Variants in PALS1 observed in about 807,000 individuals in gnomAD.
The protein encoded by PALS1 is protein associated with LIN7 1, MAGUK p55 family member.
In PALS1, 31 loss-of-function variants were observed where a neutral mutation model predicts 78.9. The ratio of observed to expected loss-of-function variants is 0.39; its 90% CI spans 0.30 to 0.53. The LOEUF (loss-of-function observed/expected upper bound fraction) is 0.53, where lower values mean the gene tolerates loss of function less well. Ranked by LOEUF, PALS1 falls within the 20% of genes least tolerant of loss-of-function variation. The pLI is 0.67. For missense variants in PALS1, 704 were observed against 826.5 expected (o/e 0.85, Z 1.82); for synonymous variants, 276 against 270.9 (o/e 1.02, Z -0.18).
intron 2 of PALS1, among the ~76,000 whole-genome samples, chr14:67,273,571 C>T (rs548813194): frequency 3.3e-5 from 5 of 152,182 alleles, no homozygotes; most frequent in African/African-American, 1.2e-4. Context: ...TGAATAGTGC[C>T]GCAGTCAACA....
intron 3 of PALS1, 149 bp downstream of exon 3, chr14:67,279,686 G>A (rs965679938): frequency 2.3e-5 from 16 of 699,552 alleles, no homozygotes; most frequent in Admixed American, 7.2e-5. Context: ...TGGAAACGCC[G>A]TATAACTATT....
chr14:67,291,866 C>A (rs147177119), intron 3 of PALS1, among the ~76,000 whole-genome samples: 109 of 152,188 alleles, frequency 7.2e-4, no homozygotes, highest in African/African-American at 2.5e-3. Flanking sequence ...ATTAGTAAAG[C>A]CTCCCTAGAA....
chr14:67,303,551 C>T lies in PALS1; in HGVS notation c.993C>T (p.Val331=), dbSNP rs2084958826. The T allele has an allele frequency of 1.9e-6, 3 of 1,613,748 alleles. No homozygotes were observed. Among genetic ancestry groups the T allele is most frequent in the Non-Finnish European group, 2.5e-6 (3 of 1,179,750 alleles). Reference sequence around the variant, plus strand: ...ATATGCATGGTACTTTGACTTTTGTCCTGATTCCCAGTCAACAGATCAAGC... The same window carrying T: ...ATATGCATGGTACTTTGACTTTTGTTCTGATTCCCAGTCAACAGATCAAGC... ...LSDMHGTLTF[V]LIPSQQIKPP... Residue 331 remains valine, a synonymous_variant, in exon 8 of 15, where the codon GTC becomes GTT. Transcript: ENST00000261681.
intron 1 of PALS1, among the ~76,000 whole-genome samples, chr14:67,265,100 T>G (rs961608590): frequency 6.6e-6 from 1 of 152,266 alleles, no homozygotes; most frequent in South Asian, 2.1e-4. Flanking sequence ...TAGTATATTC[T>G]AAATACAGTT....
intron 1 of PALS1, among the ~76,000 whole-genome samples, chr14:67,260,038 C>T (rs1320818193): frequency 6.6e-6 from 1 of 152,136 alleles, no homozygotes; most frequent in Non-Finnish European, 1.5e-5. Flanking sequence ...TAAACAGAAA[C>T]TATTACTCTT....
In PALS1 at chr14:67,301,327, A is replaced by G. The variant is rs1302996841; in HGVS notation, c.577-62A>G. The G allele has an allele frequency of 6.0e-6, 6 of 1,001,016 alleles. No homozygotes were observed. The African/African-American group carries it at 9.6e-5, about 16-fold the overall frequency. The allele number at this position is 1,001,016 out of a possible 1,614,324, so 62.0% of individuals were successfully genotyped here. On this transcript the variant is annotated intron_variant, in intron 4 of 14. Coordinates refer to ENST00000261681, the MANE Select transcript of PALS1 (RefSeq NM_022474.4). ...TTGTACTTAAAAAATATGACCCTGC[A>G]TACAGGTGCTACTGATACTTCCTAT... is the stretch of plus-strand genomic sequence containing the variant.
At chr14:67,330,712 C>T (rs2085435077) in intron 14 of PALS1, among the ~76,000 whole-genome samples, 1 of 151,856 alleles carries the variant, frequency 6.6e-6, no homozygotes, top group Admixed American at 6.6e-5. Context: ...CCTGCCTCAG[C>T]CTTCCAAAGT....
intron 1 of PALS1, among the ~76,000 whole-genome samples, chr14:67,267,185 G>A (rs1045708914): frequency 1.3e-5 from 2 of 152,172 alleles, no homozygotes; most frequent in Non-Finnish European, 2.9e-5. Context: ...GTCATTTTAA[G>A]TGTATAATTT....
At chr14:67,320,687 A>G (rs2085250366) in intron 12 of PALS1, among the ~76,000 whole-genome samples, 1 of 151,136 alleles carries the variant, frequency 6.6e-6, no homozygotes. Flanking sequence ...AAAGTGATAC[A>G]GAAGATAGAA....
At chr14:67,265,538 G>A (rs1173158986) in intron 1 of PALS1, among the ~76,000 whole-genome samples, 4 of 152,108 alleles carry the variant, frequency 2.6e-5, no homozygotes, top group Non-Finnish European at 5.9e-5. Flanking sequence ...CTGGGCAACA[G>A]AGCGAGACCC....
At chr14:67,280,857 C>CCTTCCCTCCG (rs1567518348) in intron 3 of PALS1, among the ~76,000 whole-genome samples, 2 of 53,250 alleles carry the variant, frequency 3.8e-5, no homozygotes, top group African/African-American at 1.4e-4. Flanking sequence ...CCTTCCTTCC[C>CCTTCCCTCCG]TCCCTCCCTC....
At chr14:67,259,072 G>C (rs2084190121) in intron 1 of PALS1, among the ~76,000 whole-genome samples, 1 of 151,426 alleles carries the variant, frequency 6.6e-6, no homozygotes, top group Non-Finnish European at 1.5e-5. Flanking sequence ...CGAACTCGTG[G>C]CCTCAAGTGA....
chr14:67,318,784 G>A (rs1276834196), intron 11 of PALS1, among the ~76,000 whole-genome samples: 1 of 152,148 alleles, frequency 6.6e-6, no homozygotes, highest in Non-Finnish European at 1.5e-5. Flanking sequence ...TAGGCCGGGC[G>A]CGGTGGGTCA....
At chr14:67,243,193 C>CT (rs764739699) in intron 1 of PALS1, among the ~76,000 whole-genome samples, 3,165 of 145,942 alleles carry the variant, frequency 0.022, 41 homozygotes, top group Non-Finnish European at 0.033. Context: ...ATTGTCTTTT[C>CT]TTTTTTTTTT....
intron 3 of PALS1, among the ~76,000 whole-genome samples, chr14:67,289,839 C>T (rs1327087867): frequency 6.8e-6 from 1 of 146,342 alleles, no homozygotes; most frequent in Non-Finnish European, 1.5e-5. Flanking sequence ...GGCACTATCT[C>T]GGTTCACTGC....
At chr14:67,247,370 A>T (rs1214979360) in intron 1 of PALS1, among the ~76,000 whole-genome samples, 1 of 152,108 alleles carries the variant, frequency 6.6e-6, no homozygotes, top group Non-Finnish European at 1.5e-5. Context: ...TTGTATCCTG[A>T]CTTTCTGCTA....
Position 67,279,184 on chromosome 14 carries a change from A to T in PALS1, c.14A>T (p.His5Leu), listed in dbSNP as rs753371420. MTTS[H>L]MNGHVTEESD... Reference sequence around the variant, plus strand: ...TCATAGATAACCATGACAACATCCCATATGAATGGGCATGTTACAGAGGAA... The same window carrying T: ...TCATAGATAACCATGACAACATCCCTTATGAATGGGCATGTTACAGAGGAA... Residue 5 changes from histidine (H) to leucine (L), a missense_variant, in exon 3 of 15, where the codon CAT becomes CTT. By Grantham distance (99) the His-to-Leu change is moderately conservative (BLOSUM62 -3). Coordinates refer to ENST00000261681, the MANE Select transcript of PALS1 (RefSeq NM_022474.4). 1.7e-5 allele frequency: 27 copies of T among 1,596,644 alleles called. No individual in the cohort carries two copies. The highest frequency in any genetic ancestry group is 2.0e-5 in the Non-Finnish European group (23 of 1,173,220).
At chr14:67,301,121 A>G (rs112376652) in intron 4 of PALS1, among the ~76,000 whole-genome samples, 5 of 152,264 alleles carry the variant, frequency 3.3e-5, no homozygotes, top group South Asian at 4.1e-4. Context: ...AATGAATTTT[A>G]TGGTATGTTG....
intron 1 of PALS1, among the ~76,000 whole-genome samples, chr14:67,264,459 G>A (rs943986957): frequency 4.2e-5 from 6 of 144,012 alleles, no homozygotes; most frequent in Admixed American, 2.8e-4. Flanking sequence ...GACCCATGTT[G>A]TGTTATTTTT....
Sources: gnomAD v4.1 joint callset for allele counts (sites outside exome capture counted in the v4.1 genomes callset) on GRCh38, gnomAD v4.1.1 for gene constraint, MANE v1.5 for transcripts, NCBI Gene and HGNC (gene_info 2026-07-23, HGNC 2026-07-21) for gene names.